UNC13C: variants seen among roughly 807,000 people sequenced by gnomAD.
The protein encoded by UNC13C is protein unc-13 homolog C.
In UNC13C, 174 loss-of-function variants were observed where a neutral mutation model predicts 245.4. That is an observed-to-expected ratio of 0.71 (90% confidence interval 0.63 to 0.80). The LOEUF is 0.80. Ranked by LOEUF, UNC13C falls within the 30% of genes least tolerant of loss-of-function variation. The pLI, the probability that UNC13C is intolerant of heterozygous loss-of-function variation, is 0.00. For synonymous variants in UNC13C, 992 were observed against 895.1 expected (o/e 1.11, Z -1.93); for missense variants, 2,829 against 2,602.9 (o/e 1.09, Z -1.89).
Position 54,333,974 on chromosome 15 carries a change from T to G in UNC13C, c.4584+118T>G, listed in dbSNP as rs917698855. ...ACTGTGTTAACTCCATCGATTAAGC[T>G]GTACTATCTTTGCCTGAACTCGATG... On this transcript the variant is annotated intron_variant, in intron 16 of 32. Transcript: ENST00000260323. The G allele has an allele frequency of 1.8e-5, 12 of 675,636 alleles. No individual in the cohort carries two copies. In the African/African-American group the frequency reaches 2.2e-4, roughly 12 times the overall value. The allele number at this position is 675,636 out of a possible 1,614,324, so 41.9% of individuals were successfully genotyped here. A position where few individuals can be genotyped will look rare whatever the true frequency, so the allele number is the denominator to read the frequency against.
At chr15:54,232,121 A>G (rs1446085963) in intron 4 of UNC13C, among the ~76,000 whole-genome samples, 1 of 152,096 alleles carries the variant, frequency 6.6e-6, no homozygotes, top group Admixed American at 6.5e-5. Flanking sequence ...ATAAAATTTT[A>G]TATTATTACT....
intron 19 of UNC13C, among the ~76,000 whole-genome samples, chr15:54,415,394 A>C (rs2040498222): frequency 6.6e-6 from 1 of 152,158 alleles, no homozygotes; most frequent in Non-Finnish European, 1.5e-5. Flanking sequence ...TGAGTTGTTT[A>C]GTCCAGATAT....
chr15:54,341,743 G>A (rs1002825073), intron 17 of UNC13C, among the ~76,000 whole-genome samples: 38 of 152,044 alleles, frequency 2.5e-4, no homozygotes, highest in Non-Finnish European at 4.3e-4. Context: ...TTGGGAGGCC[G>A]AGGCAGGTAG....
intron 19 of UNC13C, among the ~76,000 whole-genome samples, chr15:54,490,153 TG>T (rs1337896204): frequency 6.6e-6 from 1 of 152,208 alleles, no homozygotes; most frequent in African/African-American, 2.4e-5. Flanking sequence ...ATTTTTCTAA[TG>T]TTTTTTCCCA....
chr15:54,155,198 A>T (rs2032690218), intron 4 of UNC13C, among the ~76,000 whole-genome samples: 1 of 152,162 alleles, frequency 6.6e-6, no homozygotes, highest in African/African-American at 2.4e-5. Context: ...AACAGAGGCC[A>T]TTGCTCACAT....
the UNC13C span, among the ~76,000 whole-genome samples, chr15:53,875,129 TC>T: frequency 6.6e-6 from 1 of 152,104 alleles, no homozygotes; most frequent in Admixed American, 6.6e-5. Flanking sequence ...CATGTGACTT[TC>T]CCCCACATCT....
rs570238346 is a variant in UNC13C, at chr15:54,505,213, C to T, written c.5302-1904C>T. The stretch of plus-strand genomic sequence containing the variant: ...TACTCTCTTCTGAAGACCAGTAGTT[C>T]CCCAAAGATAAAATCATGACCTAAG... On this transcript the variant is annotated intron_variant, in intron 22 of 32. Transcript: ENST00000260323. Among the ~76,000 whole-genome samples, 255 of 152,248 alleles carry T rather than the reference C, an allele frequency of 1.7e-3. 7 individuals are homozygous for T. In the South Asian group the frequency reaches 0.051, roughly 30 times the overall value.
At chr15:54,400,444 G>T (rs1472670513) in intron 18 of UNC13C, among the ~76,000 whole-genome samples, 1 of 152,028 alleles carries the variant, frequency 6.6e-6, no homozygotes, top group Non-Finnish European at 1.5e-5. Flanking sequence ...CACTTTCTGG[G>T]TTATTCCATT....
the UNC13C span, chr15:53,948,500 A>G: frequency 6.6e-6 from 1 of 151,972 alleles, no homozygotes; most frequent in African/African-American, 2.4e-5. Flanking sequence ...TGTAATCCCA[A>G]CTATTCAGGA....
At chr15:54,364,099 C>G (rs2039301170) in intron 17 of UNC13C, among the ~76,000 whole-genome samples, 1 of 151,916 alleles carries the variant, frequency 6.6e-6, no homozygotes, top group African/African-American at 2.4e-5. Context: ...TGCTGGAGAA[C>G]AGAAACATCA....
At chr15:53,851,858 G>A in the UNC13C span, among the ~76,000 whole-genome samples, 9 of 152,198 alleles carry the variant, frequency 5.9e-5, no homozygotes, top group East Asian at 1.9e-4. Context: ...AAGGTGGTGC[G>A]TCTGGGGAGG....
intron 2 of UNC13C, among the ~76,000 whole-genome samples, chr15:54,076,040 C>T (rs1898595513): frequency 1.4e-5 from 2 of 138,332 alleles, no homozygotes. Context: ...TAGGTCACCT[C>T]TTTCTGCTCC....
At chr15:54,225,212 G>A (rs191132382) in intron 4 of UNC13C, among the ~76,000 whole-genome samples, 1 of 151,186 alleles carries the variant, frequency 6.6e-6, no homozygotes, top group East Asian at 1.9e-4. Flanking sequence ...AGTTACTATA[G>A]CCTTGTAGTA....
At chr15:53,987,734 G>T (rs10518747) in intron 1 of UNC13C, among the ~76,000 whole-genome samples, 5,795 of 152,116 alleles carry the variant, frequency 0.038, 381 homozygotes, top group African/African-American at 0.13. Flanking sequence ...ACAAAATTCA[G>T]TGTAGCAATC....
chr15:54,210,712 A>T (rs2034853935), intron 4 of UNC13C, among the ~76,000 whole-genome samples: 1 of 152,142 alleles, frequency 6.6e-6, no homozygotes, highest in Non-Finnish European at 1.5e-5. Flanking sequence ...AGTTGCATGG[A>T]TGCTGGCAGA....
chr15:53,874,507 A>G, the UNC13C span, among the ~76,000 whole-genome samples: 1 of 152,148 alleles, frequency 6.6e-6, no homozygotes, highest in African/African-American at 2.4e-5. Flanking sequence ...TGTTACTGAA[A>G]TTGGGCTTTA....
At chr15:54,296,297 T>C (rs1173003891) in intron 11 of UNC13C, among the ~76,000 whole-genome samples, 1 of 151,930 alleles carries the variant, frequency 6.6e-6, no homozygotes, top group Non-Finnish European at 1.5e-5. Context: ...GCCTCCCAGG[T>C]TCACACCATT....
chr15:54,503,251 A>T (rs1477733116), intron 22 of UNC13C, among the ~76,000 whole-genome samples: 1 of 152,144 alleles, frequency 6.6e-6, no homozygotes, highest in East Asian at 1.9e-4. Flanking sequence ...GAAATTAGTG[A>T]TTTTCATTGA....
rs1279451476 is a variant in UNC13C at position 54,627,092 on chromosome 15, A to T, written c.6624A>T (p.Arg2208Ser). 1 of 1,612,254 alleles carries T rather than the reference A, an allele frequency of 6.2e-7. No individual in the cohort carries two copies. The highest frequency in any genetic ancestry group is 1.1e-5 in the South Asian group (1 of 90,914). Residue 2208 changes from arginine to serine, a missense_variant, in exon 33 of 33, where the codon AGA becomes AGT. Coordinates refer to ENST00000260323, the MANE Select transcript of UNC13C (RefSeq NM_001080534.3). ...TTGTAAGACTTAAATCTGAAACAAG[A>T]TCTACTGAAGAGAGTGCTTGAAACA... Reference protein sequence around the residue: ...KEFVRLKSETRSTEESA With the variant: ...KEFVRLKSETSSTEESA
Sources: gnomAD v4.1 joint callset for allele counts (sites outside exome capture counted in the v4.1 genomes callset) on GRCh38, gnomAD v4.1.1 for gene constraint, MANE v1.5 for transcripts, NCBI Gene and HGNC (gene_info 2026-07-23, HGNC 2026-07-21) for gene names.